The following GPT variants were observed in gnomAD, a reference collection of about 807,000 sequenced individuals.
The protein encoded by GPT is glutamic--pyruvic transaminase, also known as alanine aminotransferase 1.
A neutral mutation model predicts 51.4 loss-of-function variants in GPT; 60 were observed. That is an observed-to-expected ratio of 1.17 (90% CI 0.95 to 1.45). The LOEUF is 1.45. Among genes scored for constraint, GPT ranks in the 40% most tolerant of loss-of-function variants. GPT has a pLI of 0.00. For synonymous variants in GPT, 397 were observed against 303.1 expected (o/e 1.31, Z -3.22); for missense variants, 853 against 704.0 (o/e 1.21, Z -2.40).
In GPT at chr8:144,504,897, G is replaced by A. The variant is rs767221297; in HGVS notation, c.361+18G>A. 1.2e-6 allele frequency: 2 copies of A among 1,612,922 alleles called. No homozygotes were observed. The highest frequency in any genetic ancestry group is 1.7e-6 in the Non-Finnish European group (2 of 1,179,886). ...CAGTCTGGGTGAGAGCCAGGGCCAGGAGGAAGCAGAGGGCCGCCCTGCCAC... is the reference window on the plus strand; with the variant it reads ...CAGTCTGGGTGAGAGCCAGGGCCAGAAGGAAGCAGAGGGCCGCCCTGCCAC... On this transcript the variant is annotated intron_variant, in intron 3 of 10. Coordinates refer to ENST00000394955, the MANE Select transcript of GPT (RefSeq NM_005309.3).
chr8:144,504,804 A>G lies in GPT; in HGVS notation c.286A>G (p.Ser96Gly). 1 of 1,613,502 alleles carries G rather than the reference A, an allele frequency of 6.2e-7. No homozygotes were observed. Among genetic ancestry groups the G allele is most frequent in the Non-Finnish European group, 8.5e-7 (1 of 1,179,972 alleles). The change falls in exon 3 of 11, where the codon AGC becomes GGC. Residue 96 changes from serine to glycine, a missense_variant. Coordinates refer to ENST00000394955, the MANE Select transcript of GPT (RefSeq NM_005309.3). ...LALCVNPDLL[S>G]SPNFPDDAKK... ...CCTCTGTGTTAACCCTGATCTTCTG[A>G]GCAGCCCCAACTTCCCTGACGATGC...
chr8:144,506,757 C>G lies in GPT; in HGVS notation c.1314C>G (p.Phe438Leu). 6.2e-7 allele frequency: 1 copy of G among 1,612,192 alleles called. No homozygotes were observed. The highest frequency in any genetic ancestry group is 8.5e-7 in the Non-Finnish European group (1 of 1,179,904). The change falls in exon 10 of 11, where the codon TTC becomes TTG. Residue 438 changes from phenylalanine (F) to leucine (L), a missense_variant. Coordinates refer to ENST00000394955, the MANE Select transcript of GPT (RefSeq NM_005309.3). The surrounding 1 kb of genome is among the most constrained non-coding windows in gnomAD (Gnocchi z 7.0). ...AQELGLAPDMFFCLRLLEETG... is the reference protein window; with the variant it reads ...AQELGLAPDMLFCLRLLEETG... ...AGCTGGGCCTGGCCCCCGATATGTT[C>G]TTCTGCCTGCGCCTCCTGGAGGAGA...
At position 144,504,377 on chromosome 8, in the gene GPT, G is replaced by A. The variant is rs780080239; in HGVS notation, c.73G>A (p.Gly25Ser). The A allele has an allele frequency of 1.2e-5, 19 of 1,611,754 alleles. No individual in the cohort carries two copies. Among genetic ancestry groups the A allele is most frequent in the South Asian group, 3.3e-5 (3 of 91,082 alleles). The change falls in exon 1 of 11, where the codon GGC (glycine) becomes AGC (serine). Residue 25 changes from glycine to serine, a missense_variant. Physicochemically the swap from Gly to Ser is moderately conservative, Grantham distance 56. Transcript: ENST00000394955. ...GAGGGCGAAGGTGCTGACGCTGGAC[G>A]GCATGAACCCGCGTGTGCGGAGAGT... is the stretch of plus-strand genomic sequence containing the variant. ...GLRAKVLTLDGMNPRVRRVEY... is the reference protein window; with the variant it reads ...GLRAKVLTLDSMNPRVRRVEY...
rs141505249 is a variant in GPT at position 144,506,731 on chromosome 8, G to C, written c.1288G>C (p.Glu430Gln). The C allele has an allele frequency of 2.8e-3, 4,546 of 1,611,116 alleles. 29 individuals carry two copies. Among genetic ancestry groups the C allele is most frequent in the Middle Eastern group, 3.3e-3 (19 of 5,806 alleles). ...LPPRAVERAQ[E>Q]LGLAPDMFFC... ...CTCTCTGACGGCTCTCCGTCCACAG[G>C]AGCTGGGCCTGGCCCCCGATATGTT... The change falls in exon 10 of 11, where the codon GAG becomes CAG. Residue 430 changes from glutamate (E) to glutamine (Q), a missense_variant and splice_region_variant. Transcript: ENST00000394955. The surrounding 1 kb of genome is among the most constrained non-coding windows in gnomAD (Gnocchi z 7.0).
Position 144,505,302 on chromosome 8 carries a change from C to G in GPT, c.552C>G (p.Ile184Met). 2.5e-6 allele frequency: 4 copies of G among 1,572,124 alleles called. No homozygotes were observed. Among genetic ancestry groups the G allele is most frequent in the Non-Finnish European group, 3.5e-6 (4 of 1,159,188 alleles). ...GCCACACACGCACGGGTGTGCTCAT[C>G]CCCATCCCCCAGTACCCACTCTACT... The part of the protein sequence containing the change: ...GEGHTRTGVL[I>M]PIPQYPLYSA... Residue 184 changes from isoleucine (I) to methionine (M), a missense_variant, in exon 5 of 11, where the codon ATC (isoleucine) becomes ATG (methionine). Transcript: ENST00000394955.
chr8:144,505,834 C>A lies in GPT; in HGVS notation c.740-14C>A. ...CTTGGCTCACCCAGCACTGCTGCCTCCCCGGCACCCCAGGGCAGGTGCAGA... is the reference window on the plus strand; with the variant it reads ...CTTGGCTCACCCAGCACTGCTGCCTACCCGGCACCCCAGGGCAGGTGCAGA... On this transcript the variant is annotated splice_polypyrimidine_tract_variant and intron_variant, in intron 5 of 10. Transcript: ENST00000394955. 6.5e-7 allele frequency: 1 copy of A among 1,543,452 alleles called. No individual in the cohort carries two copies. The highest frequency in any genetic ancestry group is 8.7e-7 in the Non-Finnish European group (1 of 1,146,136).
Position 144,505,391 on chromosome 8 carries a change from G to C in GPT, c.641G>C (p.Trp214Ser). 2.5e-6 allele frequency: 4 copies of C among 1,594,900 alleles called. No individual in the cohort carries two copies. Among genetic ancestry groups the C allele is most frequent in the Non-Finnish European group, 3.4e-6 (4 of 1,172,202 alleles). The stretch of plus-strand genomic sequence containing the variant: ...TACTACCTGGACGAGGAGCGTGCCT[G>C]GGCGCTGGACGTGGCCGAGCTTCAC... ...VDYYLDEERA[W>S]ALDVAELHRA... The change falls in exon 5 of 11, where the codon TGG becomes TCG. Residue 214 changes from tryptophan (W) to serine (S), a missense_variant. Coordinates refer to ENST00000394955, the MANE Select transcript of GPT (RefSeq NM_005309.3).
chr8:144,506,386 T>G lies in GPT; in HGVS notation c.1111T>G (p.Ser371Ala). The G allele has an allele frequency of 6.4e-7, 1 of 1,559,598 alleles. No homozygotes were observed. Among genetic ancestry groups the G allele is most frequent in the Non-Finnish European group, 8.7e-7 (1 of 1,155,286 alleles). Residue 371 changes from serine (S) to alanine (A), a missense_variant, in exon 8 of 11, where the codon TCC (serine) becomes GCC (alanine). Coordinates refer to ENST00000394955, the MANE Select transcript of GPT (RefSeq NM_005309.3). The surrounding 1 kb of genome is among the most constrained non-coding windows in gnomAD (Gnocchi z 7.0). ...CAGCCCGCCCGCGCCCACCGACCCC[T>G]CCTTTGCGCAGTTCCAGGCTGTGAG... ...VVSPPAPTDPSFAQFQAEKQA... is the reference protein window; with the variant it reads ...VVSPPAPTDPAFAQFQAEKQA...
At chr8:144,503,942 G>A (rs573389434), upstream of GPT, 17 of 364,286 alleles carry the variant, frequency 4.7e-5, no homozygotes, top group East Asian at 4.0e-4. Context: ...AGAGCTGTCC[G>A]GACTGACGTC....
At position 144,506,374 on chromosome 8, in the gene GPT, C is replaced by T; in HGVS notation, c.1099C>T (p.Pro367Ser). 6.4e-7 allele frequency: 1 copy of T among 1,560,220 alleles called. No individual in the cohort carries two copies. The highest frequency in any genetic ancestry group is 8.6e-7 in the Non-Finnish European group (1 of 1,156,342). The part of the protein sequence containing the change: ...LLDLVVSPPA[P>S]TDPSFAQFQA... ...GGACCTGGTGGTCAGCCCGCCCGCG[C>T]CCACCGACCCCTCCTTTGCGCAGTT... is the stretch of plus-strand genomic sequence containing the variant. Residue 367 changes from proline (P) to serine (S), a missense_variant, in exon 8 of 11, where the codon CCC becomes TCC. Transcript: ENST00000394955. The surrounding 1 kb of genome is among the most constrained non-coding windows in gnomAD (Gnocchi z 7.0).
chr8:144,504,994 C>T lies in GPT; in HGVS notation c.362-4C>T, dbSNP rs201994913. 2.0e-5 allele frequency: 32 copies of T among 1,613,076 alleles called. 1 individual carries two copies. The Middle Eastern group carries it at 1.2e-3, about 58-fold the overall frequency. On this transcript the variant is annotated splice_region_variant and splice_polypyrimidine_tract_variant and intron_variant, in intron 3 of 10. Transcript: ENST00000394955. ...ACTTCCCATCCTGTCCTGCCCGAGT[C>T]CAGGGGCCTACAGCGTCAGCTCCGG...
In GPT at chr8:144,506,523, A is replaced by T; in HGVS notation, c.1154A>T (p.Glu385Val). 6.3e-7 allele frequency: 1 copy of T among 1,597,796 alleles called. No homozygotes were observed. The highest frequency in any genetic ancestry group is 8.5e-7 in the Non-Finnish European group (1 of 1,173,682). The change falls in exon 9 of 11, where the codon GAG becomes GTG. Residue 385 changes from glutamate to valine, a missense_variant. By Grantham distance (121) the Glu-to-Val change is moderately radical. Transcript: ENST00000394955. The surrounding 1 kb of genome is among the most constrained non-coding windows in gnomAD (Gnocchi z 7.0). The stretch of plus-strand genomic sequence containing the variant: ...CAGGAGAAGCAGGCAGTGCTGGCAG[A>T]GCTGGCGGCCAAGGCCAAGCTCACC... The part of the protein sequence containing the change: ...FQAEKQAVLA[E>V]LAAKAKLTEQ...
At chr8:144,505,207 C>G in intron 4 of GPT, 39 bp from the exon 5 acceptor site, 2 of 1,611,970 alleles carry the variant, frequency 1.2e-6, no homozygotes, top group Non-Finnish European at 1.7e-6. Context: ...GGTGCGGCCC[C>G]AGGCCTCGCC....
chr8:144,505,911 T>G lies in GPT; in HGVS notation c.803T>G (p.Phe268Cys). 6.2e-7 allele frequency: 1 copy of G among 1,605,446 alleles called. No homozygotes were observed. Among genetic ancestry groups the G allele is most frequent in the Non-Finnish European group, 8.5e-7 (1 of 1,176,674 alleles). The change falls in exon 6 of 11, where the codon TTT (phenylalanine) becomes TGT (cysteine). Residue 268 changes from phenylalanine to cysteine, a missense_variant. Transcript: ENST00000394955. ...CGCTTCGCCTTCGAAGAGCGGCTCT[T>G]TCTGCTGGCGGACGAGGTGCGCGGC... ...VIRFAFEERL[F>C]LLADEVYQDN...
Position 144,504,260 on chromosome 8 carries a change from C to A in GPT, c.-45C>A. The A allele has an allele frequency of 1.3e-6, 2 of 1,594,090 alleles. No homozygotes were observed. Among genetic ancestry groups the A allele is most frequent in the African/African-American group, 1.3e-5 (1 of 74,930 alleles). On this transcript the variant is annotated 5_prime_UTR_variant, in exon 1 of 11. Transcript: ENST00000394955. Reference sequence around the variant, plus strand: ...AGCTGTCGCCATTCCCACTTCTGGTCCTGCCACCTCCTGAGCTGCCTTCCC... The same window carrying A: ...AGCTGTCGCCATTCCCACTTCTGGTACTGCCACCTCCTGAGCTGCCTTCCC...
rs1171257784 is a variant in GPT at position 144,505,995 on chromosome 8, G to A, written c.820G>A (p.Val274Met). The change falls in exon 7 of 11, where the codon GTG (valine) becomes ATG (methionine). Residue 274 changes from valine (V) to methionine (M), a missense_variant and splice_region_variant. Physicochemically the swap from Val to Met is conservative, Grantham distance 21 (BLOSUM62 1). Transcript: ENST00000394955. ...EERLFLLADE[V>M]YQDNVYAAGS... ...CCCGTGACGCCTTGCGCCCTTCCAG[G>A]TGTACCAGGACAACGTGTACGCCGC... The A allele has an allele frequency of 2.5e-6, 4 of 1,612,274 alleles. No individual in the cohort carries two copies. In the East Asian group the frequency reaches 6.7e-5, roughly 27 times the overall value.
At position 144,506,187 on chromosome 8, in the gene GPT, C is replaced by T. The variant is rs369294221; in HGVS notation, c.957-45C>T. On this transcript the variant is annotated intron_variant, in intron 7 of 10. Coordinates refer to ENST00000394955, the MANE Select transcript of GPT (RefSeq NM_005309.3). This position sits in a 1 kb window ranked among gnomAD's most constrained non-coding sequence, Gnocchi z 7.0. ...CGGGCCATGGCCAGGCCCTCCTCGC[C>T]CGATGGGCCACCCCCTCCTCCGCAC... 66 of 1,601,590 alleles carry T rather than the reference C, an allele frequency of 4.1e-5. No homozygotes were observed. The highest frequency in any genetic ancestry group is 5.6e-5 in the Non-Finnish European group (66 of 1,175,278).
Position 144,506,421 on chromosome 8 carries a change from G to A in GPT, c.1131+15G>A, listed in dbSNP as rs756130692. 5 of 1,561,286 alleles carry A rather than the reference G, an allele frequency of 3.2e-6. No individual in the cohort carries two copies. In the African/African-American group the frequency reaches 6.8e-5, roughly 21 times the overall value. On this transcript the variant is annotated intron_variant, in intron 8 of 10. Transcript: ENST00000394955. The surrounding 1 kb of genome is among the most constrained non-coding windows in gnomAD (Gnocchi z 7.0). The stretch of plus-strand genomic sequence containing the variant: ...AGTTCCAGGCTGTGAGTTGGGGGCA[G>A]GAGGGGGTCCAGGTGACCTAATCAG...
rs750306278 is a variant in GPT, at chr8:144,505,850, C to T, written c.742C>T (p.Gln248Ter). The T allele has an allele frequency of 2.4e-5, 37 of 1,548,102 alleles. No individual in the cohort carries two copies. Among genetic ancestry groups the T allele is most frequent in the Admixed American group, 9.8e-5 (5 of 51,142 alleles). ...CTGCTGCCTCCCCGGCACCCCAGGG[C>T]AGGTGCAGACCCGCGAGTGCATCGA... ...CVINPGNPTGQVQTRECIEAV... is the reference protein window; with the variant it reads ...CVINPGNPTG The change falls in exon 6 of 11, where the codon CAG becomes TAG. Residue 248 changes from glutamine to a stop codon, truncating the protein, a stop_gained and splice_region_variant. Transcript: ENST00000394955. LOFTEE classifies it high-confidence loss of function.
Sources: gnomAD v4.1 joint callset for allele counts on GRCh38, gnomAD v4.1.1 for gene constraint, Gnocchi (gnomAD v3.1) non-coding constraint, MANE v1.5 for transcripts, NCBI Gene and HGNC (gene_info 2026-07-23, HGNC 2026-07-21) for gene names.